Variants in GATAD1 observed in about 807,000 individuals in gnomAD.
The protein encoded by GATAD1 is GATA zinc finger domain containing 1.
A neutral mutation model predicts 26.5 loss-of-function variants in GATAD1; 12 were observed. The observed-to-expected ratio is 0.45, with a 90% confidence interval of 0.29 to 0.73. The LOEUF is 0.73. Among genes scored for constraint, GATAD1 ranks in the 30% least tolerant of loss-of-function variants. The probability of loss-of-function intolerance (pLI) is 0.10; values close to 1 mark genes in which losing one functional copy is unlikely to be tolerated. For missense variants in GATAD1, 266 were observed against 342.1 expected, an observed-to-expected ratio of 0.78 and a Z score of 1.75; for synonymous variants, 129 against 133.1, an observed-to-expected ratio of 0.97 and a Z score of 0.21.
chr7:92,472,741 G>A, the GATAD1 span: 1 of 152,258 alleles, frequency 6.6e-6, no homozygotes, highest in African/African-American at 2.4e-5. Context: ...GTTTTGGGAT[G>A]AGGATAAGCC....
At chr7:92,475,750 C>A in the GATAD1 span, among the ~76,000 whole-genome samples, 1 of 152,206 alleles carries the variant, frequency 6.6e-6, no homozygotes, top group Admixed American at 6.5e-5. Flanking sequence ...CCTTTGCGCT[C>A]AGGGGTGAGT....
At position 92,458,879 on chromosome 7, in the gene GATAD1, G is replaced by A. The variant is rs893052326; in HGVS notation, c.*2317G>A. ...TATTTCATTTAAACAATTTAAATGG[G>A]GCTCTTTAACCAAAAATGGTATTTA... is the stretch of plus-strand genomic sequence containing the variant. On this transcript the variant is annotated 3_prime_UTR_variant, in exon 5 of 5. Coordinates refer to ENST00000287957, the MANE Select transcript of GATAD1 (RefSeq NM_021167.5). 7.9e-5 allele frequency: 12 copies of A among 152,052 alleles called. No homozygotes were observed. Among genetic ancestry groups the A allele is most frequent in the Admixed American group, 7.9e-4 (12 of 15,258 alleles). 9.4% of individuals were successfully genotyped at this position (152,052 alleles called of 1,614,324 possible).
rs113511906 is a variant in GATAD1 at position 92,451,420 on chromosome 7, C to T, written c.435+660C>T. Among the ~76,000 whole-genome samples the T allele has an allele frequency of 1.4e-4, 21 of 152,316 alleles. 1 individual carries two copies. The highest frequency in any genetic ancestry group is 4.3e-4 in the African/African-American group (18 of 41,564). ...CCCCCAAGGCTCGGCAGGCCTGGCACGGCACAGGCAGCAACCATTGAAGGC... is the reference window on the plus strand; with the variant it reads ...CCCCCAAGGCTCGGCAGGCCTGGCATGGCACAGGCAGCAACCATTGAAGGC... On this transcript the variant is annotated intron_variant, in intron 3 of 4. Coordinates refer to ENST00000287957, the MANE Select transcript of GATAD1 (RefSeq NM_021167.5).
the GATAD1 span, among the ~76,000 whole-genome samples, chr7:92,481,705 A>C: frequency 6.6e-6 from 1 of 152,176 alleles, no homozygotes; most frequent in African/African-American, 2.4e-5. Flanking sequence ...AGGAGTGGGG[A>C]AAGGATTTAG....
chr7:92,481,785 G>T, the GATAD1 span, among the ~76,000 whole-genome samples: 1 of 152,218 alleles, frequency 6.6e-6, no homozygotes, highest in Admixed American at 6.5e-5. Flanking sequence ...GCAAAACCAG[G>T]TATCCAAAGG....
At chr7:92,484,588 A>G in the GATAD1 span, among the ~76,000 whole-genome samples, 2 of 152,188 alleles carry the variant, frequency 1.3e-5, no homozygotes, top group Non-Finnish European at 2.9e-5. Flanking sequence ...TGTCTCTACT[A>G]GAGATGAAAA....
chr7:92,481,811 A>G, the GATAD1 span, among the ~76,000 whole-genome samples: 2 of 152,252 alleles, frequency 1.3e-5, no homozygotes, highest in African/African-American at 4.8e-5. Context: ...GTATCCAACC[A>G]TGCCTAGGAG....
chr7:92,487,599 A>C, the GATAD1 span: 1 of 748,828 alleles, frequency 1.3e-6, no homozygotes, highest in Non-Finnish European at 2.3e-6. Flanking sequence ...AAAACAAAAG[A>C]TAATGGATTG....
intron 2 of GATAD1, chr7:92,449,467 T>G (rs1789324077): frequency 9.3e-6 from 9 of 972,574 alleles, no homozygotes; most frequent in Non-Finnish European, 1.1e-5. Flanking sequence ...TGCAATTAAA[T>G]TCTCAGTTTT....
rs1156314606 is a variant in GATAD1 at position 92,457,702 on chromosome 7, CAAATA to C, written c.*1145_*1149del. On this transcript the variant is annotated 3_prime_UTR_variant, in exon 5 of 5. Coordinates refer to ENST00000287957, the MANE Select transcript of GATAD1 (RefSeq NM_021167.5). ...ATAGATGACTGACCAAGGGCTTAAT[CAAATA>C]AAATGACTAACAGCATCTATCATAA... is the stretch of plus-strand genomic sequence containing the variant. The C allele has an allele frequency of 6.6e-6, 1 of 152,122 alleles. No individual in the cohort carries two copies. The highest frequency in any genetic ancestry group is 1.5e-5 in the Non-Finnish European group (1 of 68,020). 9.4% of individuals were successfully genotyped at this position (152,122 alleles called of 1,614,324 possible).
chr7:92,470,033 C>G, the GATAD1 span: 2 of 778,850 alleles, frequency 2.6e-6, no homozygotes, highest in South Asian at 2.7e-5. Flanking sequence ...ACTCCACCCC[C>G]ATCAGACATA....
At chr7:92,481,850 G>T in the GATAD1 span, among the ~76,000 whole-genome samples, 49 of 152,300 alleles carry the variant, frequency 3.2e-4, no homozygotes, top group African/African-American at 1.2e-3. Flanking sequence ...TGTAGAAGAG[G>T]TTGGGATTTG....
At chr7:92,455,211 C>T (rs2115879778) in intron 4 of GATAD1, among the ~76,000 whole-genome samples, 1 of 152,140 alleles carries the variant, frequency 6.6e-6, no homozygotes, top group East Asian at 1.9e-4. Context: ...TTTTATGTAG[C>T]TGGAGTGTGA....
chr7:92,487,320 T>G, the GATAD1 span: 1 of 583,708 alleles, frequency 1.7e-6, no homozygotes, highest in Non-Finnish European at 3.0e-6. Flanking sequence ...ATTATAGCAT[T>G]TACCAATCTG....
the GATAD1 span, among the ~76,000 whole-genome samples, chr7:92,483,669 T>TAAAGAA: frequency 6.6e-6 from 1 of 152,178 alleles, no homozygotes. Flanking sequence ...AGAGGTCAGA[T>TAAAGAA]AAAGAAAAAG....
intron 2 of GATAD1, chr7:92,449,210 C>A: frequency 1.1e-6 from 1 of 947,680 alleles, no homozygotes. Context: ...CTTGATATGG[C>A]CAGGTACACT....
intron 1 of GATAD1, among the ~76,000 whole-genome samples, chr7:92,448,550 C>T (rs960689166): frequency 2.0e-5 from 3 of 152,198 alleles, no homozygotes; most frequent in Non-Finnish European, 4.4e-5. Flanking sequence ...CCAGCGAGCT[C>T]CGAGATTCCG....
At chr7:92,463,263 G>T (rs574809822), downstream of GATAD1, among the ~76,000 whole-genome samples, 1 of 152,088 alleles carries the variant, frequency 6.6e-6, no homozygotes, top group Non-Finnish European at 1.5e-5. Flanking sequence ...ACAAATTTTC[G>T]GTTTGGAGTG....
chr7:92,449,541 CAGTATGAT>C (rs1789328214), intron 2 of GATAD1: 1 of 971,970 alleles, frequency 1.0e-6, no homozygotes, highest in Non-Finnish European at 1.2e-6. Flanking sequence ...TTTTAAGTCT[CAGTATGAT>C]ATTCTTTTCT....
Sources: gnomAD v4.1 joint callset for allele counts (sites outside exome capture counted in the v4.1 genomes callset) on GRCh38, gnomAD v4.1.1 for gene constraint, MANE v1.5 for transcripts, NCBI Gene and HGNC (gene_info 2026-07-23, HGNC 2026-07-21) for gene names.